HHLA2: variants seen among roughly 807,000 people sequenced by gnomAD.
HHLA2 encodes the protein HERV-H LTR-associating protein 2.
A neutral mutation model predicts 45.9 loss-of-function variants in HHLA2; 48 were observed. That is an observed-to-expected ratio of 1.05 (90% CI 0.83 to 1.33). The LOEUF (loss-of-function observed/expected upper bound fraction) is 1.33, where lower values mean the gene tolerates loss of function less well. Among genes scored for constraint, HHLA2 ranks in the 40% most tolerant of loss-of-function variants. The pLI is 0.00. For missense variants in HHLA2, 462 were observed against 494.3 expected (o/e 0.93, Z 0.62); for synonymous variants, 161 against 173.9 (o/e 0.93, Z 0.59).
In HHLA2 at chr3:108,346,187, G is replaced by A. The variant is rs530165729; in HGVS notation, c.-26-5601G>A. 3.9e-5 allele frequency among the ~76,000 whole-genome samples: 6 copies of A among 152,174 alleles called. No homozygotes were observed. In the South Asian group the frequency reaches 1.0e-3, roughly 26 times the overall value. ...AAAAACACACCAAAACAGAACCGAA[G>A]GCAAAGACAGCACCCCTAGAGATCA... On this transcript the variant is annotated intron_variant, in intron 3 of 10. Transcript: ENST00000619531.
chr3:108,332,888 T>C (rs748574137), intron 3 of HHLA2, among the ~76,000 whole-genome samples: 3 of 152,132 alleles, frequency 2.0e-5, no homozygotes, highest in Non-Finnish European at 4.4e-5. Context: ...CTCCATGGTT[T>C]GCTTGTTATT....
At chr3:108,350,541 G>T (rs774500381) in intron 3 of HHLA2, among the ~76,000 whole-genome samples, 1 of 152,050 alleles carries the variant, frequency 6.6e-6, no homozygotes, top group Admixed American at 6.6e-5. Flanking sequence ...ACATGTGCAG[G>T]CTTGTTACAT....
At chr3:108,296,889 ATGTT>A (rs2080769850) in intron 1 of HHLA2, among the ~76,000 whole-genome samples, 1 of 152,238 alleles carries the variant, frequency 6.6e-6, no homozygotes, top group South Asian at 2.1e-4. Context: ...GGGATGAGCA[ATGTT>A]TGTTTTGAAA....
intron 1 of HHLA2, among the ~76,000 whole-genome samples, chr3:108,299,752 TATACTC>T (rs1382166432): frequency 3.3e-5 from 5 of 152,166 alleles, no homozygotes; most frequent in African/African-American, 1.2e-4. Context: ...AGGTACAAAT[TATACTC>T]TAACTCAACC....
chr3:108,325,734 C>A, intron 2 of HHLA2: 1 of 241,448 alleles, frequency 4.1e-6, no homozygotes, highest in Non-Finnish European at 8.3e-6. Context: ...TAGCCGTGCC[C>A]GCAGCCACCA....
rs533857825 is a variant in HHLA2, at chr3:108,353,324, T to C, written c.65-103T>C. On this transcript the variant is annotated intron_variant, in intron 4 of 10. Coordinates refer to ENST00000619531, the Ensembl canonical transcript of HHLA2. The stretch of plus-strand genomic sequence containing the variant: ...TTTTGATTATGTGGTCTACTAATAA[T>C]CAGGCTGCTAACCTAGGATAGTTCT... 6 of 679,480 alleles carry C rather than the reference T, an allele frequency of 8.8e-6. 1 individual carries two copies. The South Asian group carries it at 1.1e-4, about 12-fold the overall frequency. 42.1% of individuals were successfully genotyped at this position (679,480 alleles called of 1,614,324 possible).
chr3:108,327,544 C>T (rs553509216), intron 2 of HHLA2, among the ~76,000 whole-genome samples: 1 of 152,216 alleles, frequency 6.6e-6, no homozygotes, highest in Admixed American at 6.5e-5. Context: ...AGATCAATAT[C>T]CAGGGTACTG....
At chr3:108,368,432 A>G (rs2082103648) in intron 8 of HHLA2, among the ~76,000 whole-genome samples, 1 of 151,244 alleles carries the variant, frequency 6.6e-6, no homozygotes, top group African/African-American at 2.4e-5. Flanking sequence ...TAAAGAGTCA[A>G]GACCCATCAG....
chr3:108,351,217 G>T (rs919210025), intron 3 of HHLA2, among the ~76,000 whole-genome samples: 1 of 151,970 alleles, frequency 6.6e-6, no homozygotes, highest in African/African-American at 2.4e-5. Flanking sequence ...GAATTTAATG[G>T]CTTGCACTAG....
At chr3:108,358,229 G>A in intron 7 of HHLA2, 68 bp downstream of exon 6, 1 of 1,127,846 alleles carries the variant, frequency 8.9e-7, no homozygotes, top group Non-Finnish European at 1.3e-6. Flanking sequence ...ATATCAAAGA[G>A]AAAATTAGGT....
rs142867498 is a variant in HHLA2, at chr3:108,298,310, G to A, written c.-192+1711G>A. 6.7e-3 allele frequency among the ~76,000 whole-genome samples: 1,020 copies of A among 152,080 alleles called. 9 individuals are homozygous for A. Among genetic ancestry groups the A allele is most frequent in the African/African-American group, 0.023 (961 of 41,482 alleles). On this transcript the variant is annotated intron_variant, in intron 1 of 10. Coordinates refer to ENST00000619531, the Ensembl canonical transcript of HHLA2. ...GATCCAAGTCCATTCCGTTTAACTG[G>A]GGCTATAAACATATGCCACCAGAAA... is the stretch of plus-strand genomic sequence containing the variant.
intron 3 of HHLA2, among the ~76,000 whole-genome samples, chr3:108,331,128 A>G (rs1356567341): frequency 6.6e-6 from 1 of 152,124 alleles, no homozygotes; most frequent in Non-Finnish European, 1.5e-5. Context: ...AGTGCTCTCC[A>G]TTGCCGTCTA....
At chr3:108,303,604 A>G (rs2080883087) in intron 1 of HHLA2, among the ~76,000 whole-genome samples, 1 of 152,190 alleles carries the variant, frequency 6.6e-6, no homozygotes, top group Non-Finnish European at 1.5e-5. Context: ...TCTAGAGGGT[A>G]TAGACCTAAT....
intron 1 of HHLA2, among the ~76,000 whole-genome samples, 176 bp from the exon 2 acceptor site, chr3:108,310,479 G>A (rs1031083112): frequency 2.0e-5 from 3 of 152,014 alleles, no homozygotes; most frequent in African/African-American, 7.3e-5. Context: ...GAAATTTCTT[G>A]GCAAGTCAGA....
chr3:108,301,038 A>G (rs2080839998), intron 1 of HHLA2, among the ~76,000 whole-genome samples: 1 of 152,156 alleles, frequency 6.6e-6, no homozygotes, highest in South Asian at 2.1e-4. Context: ...TTTCACTGGA[A>G]AGGAAGGAAT....
At chr3:108,338,647 C>T (rs1195061535) in intron 3 of HHLA2, among the ~76,000 whole-genome samples, 1 of 152,174 alleles carries the variant, frequency 6.6e-6, no homozygotes, top group Non-Finnish European at 1.5e-5. Context: ...CAGAAAGAGC[C>T]CTTGTTTAAT....
intron 3 of HHLA2, among the ~76,000 whole-genome samples, chr3:108,343,502 TAGAA>T (rs2081611102): frequency 6.6e-6 from 1 of 152,336 alleles, no homozygotes; most frequent in Middle Eastern, 3.4e-3. Context: ...AAGTACTTGA[TAGAA>T]AGCAGTCTAT....
At chr3:108,314,944 G>A (rs2081077994) in intron 2 of HHLA2, among the ~76,000 whole-genome samples, 1 of 152,124 alleles carries the variant, frequency 6.6e-6, no homozygotes, top group Non-Finnish European at 1.5e-5. Flanking sequence ...ACTCTGAATT[G>A]GGATTTTTTC....
At chr3:108,357,703 A>G in intron 6 of HHLA2, 141 bp from the exon 6 acceptor site, 2 of 706,782 alleles carry the variant, frequency 2.8e-6, no homozygotes, top group South Asian at 2.0e-5. Flanking sequence ...AAACCACAGT[A>G]CAAATATAAT....
Sources: gnomAD v4.1 joint callset for allele counts (sites outside exome capture counted in the v4.1 genomes callset) on GRCh38, gnomAD v4.1.1 for gene constraint, MANE v1.5 for transcripts, NCBI Gene and HGNC (gene_info 2026-07-23, HGNC 2026-07-21) for gene names.